Variants in KCNIP4 observed in about 807,000 individuals in gnomAD.
KCNIP4 encodes potassium voltage-gated channel interacting protein 4.
KCNIP4 carries 12 observed loss-of-function variants against 34.0 expected under a neutral mutation model. The observed-to-expected ratio is 0.35, with a 90% CI of 0.23 to 0.57. KCNIP4 has a LOEUF of 0.57. Among genes scored for constraint, KCNIP4 ranks in the 20% least tolerant of loss-of-function variants. The pLI is 0.83. For missense variants in KCNIP4, 238 were observed against 311.7 expected, an observed-to-expected ratio of 0.76 and a Z score of 1.78; for synonymous variants, 124 against 102.2, an observed-to-expected ratio of 1.21 and a Z score of -1.29.
At chr4:21,705,954 T>C (rs1477733091) in intron 1 of KCNIP4, among the ~76,000 whole-genome samples, 1 of 152,188 alleles carries the variant, frequency 6.6e-6, no homozygotes, top group African/African-American at 2.4e-5. Flanking sequence ...TTGTGTTGGA[T>C]GTGTGCAAGG....
chr4:21,232,045 G>A (rs962264611), intron 1 of KCNIP4, among the ~76,000 whole-genome samples: 17 of 152,050 alleles, frequency 1.1e-4, no homozygotes, highest in Non-Finnish European at 1.8e-4. Context: ...TCTTTACCCC[G>A]ATGCTTGTAT....
At chr4:21,654,606 T>C (rs916964166) in intron 1 of KCNIP4, among the ~76,000 whole-genome samples, 1 of 152,082 alleles carries the variant, frequency 6.6e-6, no homozygotes, top group African/African-American at 2.4e-5. Flanking sequence ...ACTGGGCTCA[T>C]AGCAAGTGTT....
intron 1 of KCNIP4, among the ~76,000 whole-genome samples, chr4:21,153,327 A>G (rs1025534519): frequency 4.6e-5 from 7 of 152,122 alleles, no homozygotes; most frequent in African/African-American, 1.2e-4. Context: ...TTGTATAGAT[A>G]GATGACAAAA....
intron 1 of KCNIP4, among the ~76,000 whole-genome samples, chr4:21,365,572 C>T (rs898140927): frequency 4.6e-5 from 7 of 151,206 alleles, no homozygotes; most frequent in Non-Finnish European, 8.9e-5. Context: ...TCAAATCTTT[C>T]CTGTACCTAA....
intron 1 of KCNIP4, among the ~76,000 whole-genome samples, chr4:21,597,785 G>C (rs1403622736): frequency 6.6e-6 from 1 of 152,116 alleles, no homozygotes; most frequent in Non-Finnish European, 1.5e-5. Flanking sequence ...TAACAGCAAA[G>C]CATCCAGACA....
chr4:21,564,736 T>C (rs368428759), intron 1 of KCNIP4, among the ~76,000 whole-genome samples: 39 of 152,148 alleles, frequency 2.6e-4, no homozygotes, highest in African/African-American at 9.2e-4. Flanking sequence ...CATCTGCTTA[T>C]GGTGAGGGCT....
rs186381372 is a variant in KCNIP4, at chr4:21,234,517, T to C, written c.62-351808A>G. On this transcript the variant is annotated intron_variant, in intron 1 of 8. Transcript: ENST00000382152. The stretch of plus-strand genomic sequence containing the variant: ...TAATATATATTACATATAACGTATA[T>C]AATATATATTACATATAACGTATAT... 3.7e-3 allele frequency among the ~76,000 whole-genome samples: 322 copies of C among 86,598 alleles called. 26 individuals carry two copies. Among genetic ancestry groups the C allele is most frequent in the African/African-American group, 9.0e-3 (103 of 11,426 alleles). 56.8% of individuals were successfully genotyped at this position (86,598 alleles called of 152,430 possible). A position where few individuals can be genotyped will look rare whatever the true frequency, so the allele number is the denominator to read the frequency against.
At chr4:20,832,411 G>A (rs1210565188) in intron 3 of KCNIP4, among the ~76,000 whole-genome samples, 1 of 152,144 alleles carries the variant, frequency 6.6e-6, no homozygotes, top group Non-Finnish European at 1.5e-5. Context: ...AAGAAAAGCT[G>A]AACACTTGAC....
intron 1 of KCNIP4, among the ~76,000 whole-genome samples, chr4:20,928,241 T>C (rs1051926018): frequency 2.7e-4 from 14 of 52,320 alleles, no homozygotes; most frequent in African/African-American, 1.1e-3. Flanking sequence ...TCTAAGATAG[T>C]TTCTTTTTTT....
intron 1 of KCNIP4, among the ~76,000 whole-genome samples, chr4:20,972,116 C>T (rs1177758598): frequency 6.6e-6 from 1 of 152,094 alleles, no homozygotes; most frequent in Non-Finnish European, 1.5e-5. Flanking sequence ...CTATTTCCAC[C>T]ACATTTACAG....
intron 1 of KCNIP4, among the ~76,000 whole-genome samples, chr4:21,043,939 A>T (rs1742185985): frequency 6.6e-6 from 1 of 152,088 alleles, no homozygotes; most frequent in African/African-American, 2.4e-5. Context: ...GCCTTTAAAA[A>T]CTTACAGCAA....
At chr4:21,172,330 C>T (rs933811394) in intron 1 of KCNIP4, among the ~76,000 whole-genome samples, 4 of 152,112 alleles carry the variant, frequency 2.6e-5, no homozygotes, top group African/African-American at 9.7e-5. Context: ...CTGTGCCCAG[C>T]CTATTCTGAA....
At chr4:21,924,649 G>A (rs1352772174) in intron 1 of KCNIP4, among the ~76,000 whole-genome samples, 1 of 152,172 alleles carries the variant, frequency 6.6e-6, no homozygotes, top group East Asian at 1.9e-4. Flanking sequence ...TTTACTGGCT[G>A]TTGTCTCCAT....
At chr4:21,230,113 A>G (rs1328718647) in intron 1 of KCNIP4, among the ~76,000 whole-genome samples, 1 of 152,096 alleles carries the variant, frequency 6.6e-6, no homozygotes, top group Non-Finnish European at 1.5e-5. Context: ...AGATTTGAGG[A>G]TAGAGAGACA....
At chr4:20,877,468 G>T (rs1199673271) in intron 2 of KCNIP4, among the ~76,000 whole-genome samples, 1 of 152,026 alleles carries the variant, frequency 6.6e-6, no homozygotes, top group Non-Finnish European at 1.5e-5. Context: ...GGAAAGTACT[G>T]GATTTGGAGT....
intron 1 of KCNIP4, among the ~76,000 whole-genome samples, chr4:20,919,305 A>G (rs1485527603): frequency 6.6e-6 from 1 of 151,908 alleles, no homozygotes; most frequent in Non-Finnish European, 1.5e-5. Context: ...AAGGTATTCC[A>G]CGAATGTGTG....
chr4:21,355,765 C>A (rs1176839407), intron 1 of KCNIP4, among the ~76,000 whole-genome samples: 1 of 152,150 alleles, frequency 6.6e-6, no homozygotes, highest in Non-Finnish European at 1.5e-5. Flanking sequence ...CTATTCCAAT[C>A]AAGAGTAAAA....
At chr4:21,823,185 G>T (rs904698637) in intron 1 of KCNIP4, among the ~76,000 whole-genome samples, 1 of 151,824 alleles carries the variant, frequency 6.6e-6, no homozygotes, top group Non-Finnish European at 1.5e-5. Flanking sequence ...GTTCAAACTT[G>T]ATTAGAAAGA....
intron 1 of KCNIP4, among the ~76,000 whole-genome samples, chr4:21,888,768 C>A (rs1290791089): frequency 6.6e-6 from 1 of 152,106 alleles, no homozygotes; most frequent in African/African-American, 2.4e-5. Flanking sequence ...CTTCATGACT[C>A]ACATAACTGC....
Sources: gnomAD v4.1 joint callset for allele counts (sites outside exome capture counted in the v4.1 genomes callset) on GRCh38, gnomAD v4.1.1 for gene constraint, MANE v1.5 for transcripts, NCBI Gene and HGNC (gene_info 2026-07-23, HGNC 2026-07-21) for gene names.